Variants in KCNAB1 observed in about 807,000 individuals in gnomAD.
The protein encoded by KCNAB1 is voltage-gated potassium channel subunit beta-1.
KCNAB1 carries 35 observed loss-of-function variants against 64.6 expected under a neutral mutation model. The ratio of observed to expected loss-of-function variants is 0.54; its 90% CI spans 0.41 to 0.72. The LOEUF is 0.72. Among genes scored for constraint, KCNAB1 ranks in the 30% least tolerant of loss-of-function variants. The probability of loss-of-function intolerance (pLI) is 0.00; values close to 1 mark genes in which losing one functional copy is unlikely to be tolerated. For synonymous variants in KCNAB1, 177 were observed against 183.8 expected (o/e 0.96, Z 0.30); for missense variants, 401 against 512.9 (o/e 0.78, Z 2.11).
intron 2 of KCNAB1, among the ~76,000 whole-genome samples, chr3:156,427,221 T>C (rs1405675972): frequency 6.6e-6 from 1 of 152,136 alleles, no homozygotes; most frequent in African/African-American, 2.4e-5. Context: ...CAGACAGCAC[T>C]GTTGGGGAGT....
intron 1 of KCNAB1, among the ~76,000 whole-genome samples, chr3:156,147,161 G>A (rs1715086120): frequency 6.6e-6 from 1 of 152,192 alleles, no homozygotes; most frequent in Admixed American, 6.5e-5. Context: ...ATTTGGCTCT[G>A]TGCTTTCCAG....
chr3:156,158,179 A>AAAATAAAAAATAAAT (rs1715854034), intron 1 of KCNAB1, among the ~76,000 whole-genome samples: 1 of 60,662 alleles, frequency 1.6e-5, no homozygotes, highest in African/African-American at 4.6e-5. Context: ...AAAAAAATAA[A>AAAATAAAAAATAAAT]AAATAAATAA....
chr3:156,382,798 T>C (rs904351790), intron 1 of KCNAB1, among the ~76,000 whole-genome samples: 1 of 152,180 alleles, frequency 6.6e-6, no homozygotes, highest in Non-Finnish European at 1.5e-5. Flanking sequence ...CACTTTGGGA[T>C]CTCCAAGTGA....
intron 7 of KCNAB1, among the ~76,000 whole-genome samples, chr3:156,473,524 T>C (rs1714105195): frequency 6.6e-6 from 1 of 152,084 alleles, no homozygotes; most frequent in Admixed American, 6.6e-5. Flanking sequence ...TCACAGAAGG[T>C]TTATAGGAGA....
chr3:156,169,086 A>G (rs2108322144), intron 1 of KCNAB1, among the ~76,000 whole-genome samples: 2 of 152,300 alleles, frequency 1.3e-5, no homozygotes, highest in East Asian at 3.9e-4. Flanking sequence ...TGATTTTTTT[A>G]CACTTAAGAA....
chr3:156,338,694 A>T lies in KCNAB1; in HGVS notation c.276-82922A>T, dbSNP rs1723900344. Among the ~76,000 whole-genome samples the T allele has an allele frequency of 2.0e-5, 3 of 152,218 alleles. No individual in the cohort carries two copies. The South Asian group carries it at 6.2e-4, about 32-fold the overall frequency. ...TGTAAGTTTAAGGGAGAGAAAACAG[A>T]CCCATTGGGTCTCTATCCCTGACCA... is the stretch of plus-strand genomic sequence containing the variant. On this transcript the variant is annotated intron_variant, in intron 1 of 13. Coordinates refer to ENST00000490337, the MANE Select transcript of KCNAB1 (RefSeq NM_172160.3).
chr3:156,509,109 G>C (rs143408386), intron 8 of KCNAB1, among the ~76,000 whole-genome samples: 370 of 152,118 alleles, frequency 2.4e-3, no homozygotes, highest in African/African-American at 8.2e-3. Context: ...GAGAGAGAGA[G>C]AGTAGATATC....
At chr3:156,379,495 G>A (rs547867413) in intron 1 of KCNAB1, among the ~76,000 whole-genome samples, 3 of 152,286 alleles carry the variant, frequency 2.0e-5, no homozygotes, top group Admixed American at 2.0e-4. Flanking sequence ...AGCTGGAGGA[G>A]GTGAGGGAGT....
intron 8 of KCNAB1, among the ~76,000 whole-genome samples, chr3:156,484,454 T>C (rs963825778): frequency 5.3e-5 from 8 of 152,154 alleles, no homozygotes; most frequent in African/African-American, 1.9e-4. Context: ...ATTCTGGGGC[T>C]GTGGGTTTAT....
chr3:156,281,766 GTAT>G (rs1480448869), intron 1 of KCNAB1, among the ~76,000 whole-genome samples: 1 of 151,160 alleles, frequency 6.6e-6, no homozygotes, highest in Non-Finnish European at 1.5e-5. Context: ...GGTGTTTGTA[GTAT>G]TCCCTGATGG....
At chr3:156,507,530 T>A (rs1202889050) in intron 8 of KCNAB1, among the ~76,000 whole-genome samples, 1 of 152,200 alleles carries the variant, frequency 6.6e-6, no homozygotes, top group African/African-American at 2.4e-5. Flanking sequence ...GTCCTCTATC[T>A]CCAGGCATCA....
intron 2 of KCNAB1, among the ~76,000 whole-genome samples, chr3:156,448,795 T>C (rs1350836710): frequency 7.0e-6 from 1 of 143,556 alleles, no homozygotes; most frequent in African/African-American, 2.9e-5. Flanking sequence ...TAAAGATGTT[T>C]GTTTGGTAGG....
intron 1 of KCNAB1, among the ~76,000 whole-genome samples, chr3:156,408,190 C>T (rs1714384831): frequency 6.6e-6 from 1 of 152,160 alleles, no homozygotes; most frequent in Non-Finnish European, 1.5e-5. Flanking sequence ...CCGAACTCAG[C>T]AGGGACCCTA....
chr3:156,219,286 C>G lies in KCNAB1; in HGVS notation c.275+98400C>G, dbSNP rs558230600. On this transcript the variant is annotated intron_variant, in intron 1 of 13. Coordinates refer to ENST00000490337, the MANE Select transcript of KCNAB1 (RefSeq NM_172160.3). ...AAATAGAATCACAACTTCTGGAAAT[C>G]AAGGACACATTCAGAGAAATGCAAA... Among the ~76,000 whole-genome samples the G allele has an allele frequency of 3.3e-5, 5 of 151,850 alleles. No homozygotes were observed. In the South Asian group the frequency reaches 1.0e-3, roughly 32 times the overall value.
intron 1 of KCNAB1, among the ~76,000 whole-genome samples, chr3:156,368,178 G>A (rs1167838120): frequency 6.6e-6 from 1 of 152,074 alleles, no homozygotes; most frequent in Non-Finnish European, 1.5e-5. Context: ...AATACATTGG[G>A]CATACTTATA....
intron 1 of KCNAB1, among the ~76,000 whole-genome samples, chr3:156,209,093 G>A (rs1010448852): frequency 5.9e-5 from 9 of 152,162 alleles, no homozygotes; most frequent in African/African-American, 2.2e-4. Context: ...ACAGTCAAGT[G>A]GAGAAGTAAA....
At chr3:156,462,466 T>C (rs895522631) in intron 5 of KCNAB1, among the ~76,000 whole-genome samples, 1 of 152,244 alleles carries the variant, frequency 6.6e-6, no homozygotes, top group Non-Finnish European at 1.5e-5. Flanking sequence ...GTTGATGTAT[T>C]AACCTGGAAA....
chr3:156,252,952 A>C (rs938921853), intron 1 of KCNAB1, among the ~76,000 whole-genome samples: 1 of 151,942 alleles, frequency 6.6e-6, no homozygotes, highest in African/African-American at 2.4e-5. Context: ...CATAACCTGT[A>C]GTTAAACTCC....
At chr3:156,409,547 G>A (rs1428203025) in intron 1 of KCNAB1, among the ~76,000 whole-genome samples, 1 of 152,166 alleles carries the variant, frequency 6.6e-6, no homozygotes, top group African/African-American at 2.4e-5. Context: ...ATCATGAGAG[G>A]ACAATCTTTT....
Sources: gnomAD v4.1 joint callset for allele counts (sites outside exome capture counted in the v4.1 genomes callset) on GRCh38, gnomAD v4.1.1 for gene constraint, MANE v1.5 for transcripts, NCBI Gene and HGNC (gene_info 2026-07-23, HGNC 2026-07-21) for gene names.